SCML2: variants seen among roughly 807,000 people sequenced by gnomAD.
SCML2 encodes the protein sex comb on midleg-like protein 2.
Under a neutral mutation model 48.4 loss-of-function variants are expected in SCML2, and 6 were observed. The ratio of observed to expected loss-of-function variants is 0.12; its 90% CI spans 0.07 to 0.24. The LOEUF (loss-of-function observed/expected upper bound fraction) is 0.24, where lower values mean the gene tolerates loss of function less well. SCML2 is among the 10% of genes least tolerant of loss of function. The pLI is 1.00. For synonymous variants in SCML2, 181 were observed against 189.5 expected (o/e 0.95, Z 0.37); for missense variants, 377 against 528.2 (o/e 0.71, Z 2.81).
intron 1 of SCML2, 61 bp from the exon 2 acceptor site, chrX:18,334,156 A>T: frequency 1.2e-6 from 1 of 848,196 alleles, no homozygotes; most frequent in South Asian, 2.6e-5. Flanking sequence ...GAAGGATAAG[A>T]AGTCAGTTAT....
intron 2 of SCML2, among the ~76,000 whole-genome samples, chrX:18,333,071 T>A (rs1447911585): frequency 6.5e-5 from 7 of 108,349 alleles, no homozygotes; most frequent in African/African-American, 2.4e-4. Context: ...AGGTCAGGAG[T>A]TCGAAAGCAG....
intron 7 of SCML2, among the ~76,000 whole-genome samples, chrX:18,284,285 A>C (rs984769205): frequency 7.1e-5 from 8 of 112,346 alleles, no homozygotes; most frequent in African/African-American, 2.6e-4. Context: ...TTAAAGATTC[A>C]AATGTAAGAC....
At chrX:18,283,558 C>T (rs1927937788) in intron 7 of SCML2, among the ~76,000 whole-genome samples, 1 of 112,519 alleles carries the variant, frequency 8.9e-6, no homozygotes, top group African/African-American at 3.2e-5. Context: ...TGCCAAAAGG[C>T]TAGTAGAACT....
intron 8 of SCML2, among the ~76,000 whole-genome samples, chrX:18,261,194 TGCTATGTTGCCCTG>T (rs1927052291): frequency 9.3e-6 from 1 of 107,664 alleles, no homozygotes; most frequent in Non-Finnish European, 1.9e-5. Flanking sequence ...TTTTTTGTCT[TGCTATGTTGCCCTG>T]GCTGGATTTG....
At chrX:18,269,808 T>C (rs1476333966) in intron 7 of SCML2, among the ~76,000 whole-genome samples, 15 of 111,366 alleles carry the variant, frequency 1.3e-4, no homozygotes, top group Middle Eastern at 4.6e-3. Flanking sequence ...GTATATTCTA[T>C]ATAAAATAAG....
chrX:18,260,414 G>C, intron 8 of SCML2, 123 bp from the exon 9 acceptor site: 1 of 561,402 alleles, frequency 1.8e-6, no homozygotes, highest in Non-Finnish European at 2.6e-6. Context: ...GAAGTCCTCA[G>C]GTTGGAAACT....
chrX:18,316,904 G>A (rs1035262545), intron 6 of SCML2, among the ~76,000 whole-genome samples: 7 of 112,147 alleles, frequency 6.2e-5, no homozygotes, highest in African/African-American at 1.6e-4. Context: ...AATGATAAAC[G>A]CAATGCGTTT....
chrX:18,247,641 A>G, intron 12 of SCML2, 128 bp downstream of exon 12: 1 of 433,342 alleles, frequency 2.3e-6, no homozygotes. Context: ...TCCAAGTAGT[A>G]GCCTAACTGC....
intron 8 of SCML2, among the ~76,000 whole-genome samples, chrX:18,262,904 TG>T (rs1475434139): frequency 1.9e-5 from 2 of 107,831 alleles, no homozygotes; most frequent in African/African-American, 7.1e-5. Context: ...TGTGTAGAGA[TG>T]GGGTTTTGCC....
intron 3 of SCML2, among the ~76,000 whole-genome samples, chrX:18,327,420 T>C (rs181152386): frequency 1.8e-5 from 2 of 111,705 alleles, no homozygotes; most frequent in East Asian, 5.7e-4. Context: ...TTGGGATGGA[T>C]GGATGTCATT....
chrX:18,351,221 G>GATCAC (rs1930365213), intron 1 of SCML2, among the ~76,000 whole-genome samples: 2 of 108,223 alleles, frequency 1.8e-5, no homozygotes, highest in South Asian at 8.1e-4. Flanking sequence ...AGTGGGCTGA[G>GATCAC]ATCACGCCAC....
At chrX:18,309,983 A>C (rs1928894294) in intron 6 of SCML2, among the ~76,000 whole-genome samples, 1 of 111,781 alleles carries the variant, frequency 8.9e-6, no homozygotes, top group Non-Finnish European at 1.9e-5. Flanking sequence ...AATAAAGAAA[A>C]TGTGATATAT....
chrX:18,294,270 C>A (rs1431378796), intron 7 of SCML2, among the ~76,000 whole-genome samples: 2 of 110,899 alleles, frequency 1.8e-5, no homozygotes, highest in Non-Finnish European at 3.8e-5. Flanking sequence ...AGAAGGAACA[C>A]TGGAATCTAA....
In SCML2 at chrX:18,354,633, G is replaced by C; in HGVS notation, c.-66C>G. 3.5e-6 allele frequency: 1 copy of C among 288,836 alleles called. No individual in the cohort carries two copies. The highest frequency in any genetic ancestry group is 6.1e-6 in the Non-Finnish European group (1 of 164,658). The allele number at this position is 288,836 out of a possible 1,213,427, so 23.8% of individuals were successfully genotyped here. ...GAAAACAACGAAATTCTGTCCCACC[G>C]ATCGCGCGAGCCGGCACCGAGCTTC... On this transcript the variant is annotated 5_prime_UTR_variant, in exon 1 of 15. It adds an upstream start codon to the 5' untranslated region. Coordinates refer to ENST00000251900, the MANE Select transcript of SCML2 (RefSeq NM_006089.3).
chrX:18,271,374 T>C (rs1277198185), intron 7 of SCML2, among the ~76,000 whole-genome samples: 2 of 109,470 alleles, frequency 1.8e-5, no homozygotes, highest in Non-Finnish European at 3.8e-5. Context: ...CTGCTTTCTG[T>C]CCTGTAACAA....
Position 18,320,406 on chromosome X carries a change from T to C in SCML2, c.412A>G (p.Thr138Ala), listed in dbSNP as rs374956179. 7 of 1,134,326 alleles carry C rather than the reference T, an allele frequency of 6.2e-6. No homozygotes were observed. The African/African-American group carries it at 1.1e-4, about 17-fold the overall frequency. 93.5% of individuals were successfully genotyped at this position (1,134,326 alleles called of 1,213,427 possible). Residue 138 changes from threonine (T) to alanine (A), a missense_variant, in exon 6 of 15, where the codon ACA becomes GCA. Thr to Ala is a moderately conservative substitution (Grantham distance 58). Coordinates refer to ENST00000251900, the MANE Select transcript of SCML2 (RefSeq NM_006089.3). The part of the protein sequence containing the change: ...LQPPLGYQMN[T>A]SSWPMFLLKT... ...AAGAGGAACATCGGCCAGGAGGATG[T>C]ATTCATCTGGTACCCTGTTTTATAA...
intron 6 of SCML2, among the ~76,000 whole-genome samples, chrX:18,308,155 G>T (rs371018816): frequency 9.5e-6 from 1 of 105,414 alleles, no homozygotes; most frequent in Non-Finnish European, 2.0e-5. Context: ...GCTACTCAGG[G>T]GGCTGAGGCA....
Position 18,304,980 on chromosome X carries a change from C to A in SCML2, c.722G>T (p.Gly241Val). The change falls in exon 7 of 15, where the codon GGA becomes GTA. Residue 241 changes from glycine to valine, a missense_variant. Gly to Val is a moderately radical substitution (Grantham distance 109). Transcript: ENST00000251900. ...GTTAATTATTATCTTACCACTAGTT[C>A]CTGGGGGTTGTAATACATCTCCTGT... ...RLTGDVLQPPGTSVPIVKNIA... is the reference protein window; with the variant it reads ...RLTGDVLQPPVTSVPIVKNIA... 8.3e-7 allele frequency: 1 copy of A among 1,207,754 alleles called. No individual in the cohort carries two copies. The highest frequency in any genetic ancestry group is 1.1e-6 in the Non-Finnish European group (1 of 894,001).
chrX:18,250,584 T>C lies in SCML2; in HGVS notation c.1457-2702A>G, dbSNP rs764786838. 2.3e-4 allele frequency among the ~76,000 whole-genome samples: 25 copies of C among 109,640 alleles called. No homozygotes were observed. In the South Asian group the frequency reaches 9.2e-3, roughly 40 times the overall value. ...ATTTTTAGTAGAGACGGGGTTTCACTGTGTTAGCCAGGATGGTCTCGATCT... is the reference window on the plus strand; with the variant it reads ...ATTTTTAGTAGAGACGGGGTTTCACCGTGTTAGCCAGGATGGTCTCGATCT... On this transcript the variant is annotated intron_variant, in intron 11 of 14. Transcript: ENST00000251900.
Sources: gnomAD v4.1 joint callset for allele counts (sites outside exome capture counted in the v4.1 genomes callset) on GRCh38, gnomAD v4.1.1 for gene constraint, MANE v1.5 for transcripts, NCBI Gene and HGNC (gene_info 2026-07-23, HGNC 2026-07-21) for gene names.